Variants in CLASRP observed in about 807,000 individuals in gnomAD.
CLASRP encodes CLK4-associating serine/arginine rich protein.
CLASRP carries 52 observed loss-of-function variants against 99.9 expected under a neutral mutation model. The ratio of observed to expected loss-of-function variants is 0.52; its 90% CI spans 0.42 to 0.66. CLASRP has a LOEUF of 0.66. Among genes scored for constraint, CLASRP ranks in the 30% least tolerant of loss-of-function variants. The pLI, the probability that CLASRP is intolerant of heterozygous loss-of-function variation, is 0.00. For missense variants in CLASRP, 848 were observed against 999.2 expected (o/e 0.85, Z 2.04); for synonymous variants, 379 against 373.0 (o/e 1.02, Z -0.18).
chr19:45,069,241 C>T lies in CLASRP; in HGVS notation c.1867C>T (p.Arg623Cys). 6.2e-7 allele frequency: 1 copy of T among 1,613,476 alleles called. No individual in the cohort carries two copies. ...DELRAMARKI[R>C]MKERERREKE... The stretch of plus-strand genomic sequence containing the variant: ...GCTTCGAGCCATGGCCCGCAAGATC[C>T]GCATGAAGTAAGACCTTGCCCCTCC... The change falls in exon 18 of 21, where the codon CGC (arginine) becomes TGC (cysteine). Residue 623 changes from arginine (R) to cysteine (C), a missense_variant. Physicochemically the swap from Arg to Cys is radical, Grantham distance 180 (BLOSUM62 -3). Around this residue, in one of 8 missense-constraint regions of CLASRP, gnomAD observed 116 missense variants for 162.7 expected, o/e 0.71. Coordinates refer to ENST00000221455, the MANE Select transcript of CLASRP (RefSeq NM_007056.3).
intron 11 of CLASRP, among the ~76,000 whole-genome samples, chr19:45,063,262 C>T (rs1458362656): frequency 6.6e-6 from 1 of 151,530 alleles, no homozygotes. Flanking sequence ...CCACCTGGGC[C>T]TTCCAAAGTG....
chr19:45,070,855 T>A lies in CLASRP; in HGVS notation c.*10T>A, dbSNP rs201269048. ...CCATTACCGACATTAGGCAGAAGAG[T>A]GGGGGGTGGGGAGGACAAGGGGGTG... is the stretch of plus-strand genomic sequence containing the variant. On this transcript the variant is annotated 3_prime_UTR_variant, in exon 21 of 21. Transcript: ENST00000221455. 41 of 1,068,450 alleles carry A rather than the reference T, an allele frequency of 3.8e-5. No individual in the cohort carries two copies. The South Asian group carries it at 4.8e-4, about 12-fold the overall frequency. The allele number at this position is 1,068,450 out of a possible 1,614,324, so 66.2% of individuals were successfully genotyped here. A position where few individuals can be genotyped will look rare whatever the true frequency, so the allele number is the denominator to read the frequency against.
chr19:45,048,993 G>C (rs1221442619), intron 2 of CLASRP, among the ~76,000 whole-genome samples: 1 of 152,144 alleles, frequency 6.6e-6, no homozygotes, highest in Non-Finnish European at 1.5e-5. Context: ...TTCAAAAAAA[G>C]AAAAAGAATA....
intron 5 of CLASRP, among the ~76,000 whole-genome samples, chr19:45,055,562 C>T (rs553660883): frequency 3.9e-5 from 6 of 152,334 alleles, no homozygotes; most frequent in South Asian, 2.1e-4. Context: ...CAGCCGGGCA[C>T]GGTGGCTCAT....
Position 45,067,491 on chromosome 19 carries a change from C to T in CLASRP, c.1564C>T (p.Arg522Cys), listed in dbSNP as rs779809010. The T allele has an allele frequency of 2.7e-5, 43 of 1,570,188 alleles. No individual in the cohort carries two copies. Among genetic ancestry groups the T allele is most frequent in the Non-Finnish European group, 3.4e-5 (40 of 1,163,518 alleles). Reference protein sequence around the residue: ...RSHSPSPSQSRSRSRSRSQSP... With the variant: ...RSHSPSPSQSCSRSRSRSQSP... ...CCATAGCCCCAGCCCCAGCCAGAGC[C>T]GCAGCCGCAGCCGCAGCCGCAGCCA... Residue 522 changes from arginine to cysteine, a missense_variant, in exon 14 of 21, where the codon CGC becomes TGC. By Grantham distance (180) the Arg-to-Cys change is radical. This residue lies in a region of CLASRP where 489 missense variants were observed against 434.7 expected (regional missense o/e 1.12). Transcript: ENST00000221455. This position sits in a 1 kb window ranked among gnomAD's most constrained non-coding sequence, Gnocchi z 4.9.
Position 45,040,182 on chromosome 19 carries a change from A to C in CLASRP, c.-29-2A>C, listed in dbSNP as rs1221987525. 6.5e-7 allele frequency: 1 copy of C among 1,545,968 alleles called. No homozygotes were observed. Among genetic ancestry groups the C allele is most frequent in the Admixed American group, 1.9e-5 (1 of 52,886 alleles). On this transcript the variant is annotated splice_acceptor_variant, in intron 1 of 20. Coordinates refer to ENST00000221455, the MANE Select transcript of CLASRP (RefSeq NM_007056.3). LOFTEE classifies it low-confidence loss of function (5UTR_SPLICE). ...GACTTTCCTGGTCCCTTCATCCCTC[A>C]GGTTGAGGCCCCAGGCTTGGCCTCA... is the stretch of plus-strand genomic sequence containing the variant.
Position 45,047,076 on chromosome 19 carries a change from T to C in CLASRP, c.100-4995T>C, listed in dbSNP as rs114214486. Among the ~76,000 whole-genome samples, 88 of 152,256 alleles carry C rather than the reference T, an allele frequency of 5.8e-4. 1 individual carries two copies. Among genetic ancestry groups the C allele is most frequent in the African/African-American group, 2.0e-3 (82 of 41,548 alleles). On this transcript the variant is annotated intron_variant, in intron 2 of 20. Transcript: ENST00000221455. ...TCTTGAAGAGGTACTTATACACTTA[T>C]GTTCATTACAGCATTATTAGCAATA... is the stretch of plus-strand genomic sequence containing the variant.
At chr19:45,051,350 G>C (rs1972019492) in intron 2 of CLASRP, among the ~76,000 whole-genome samples, 1 of 151,728 alleles carries the variant, frequency 6.6e-6, no homozygotes, top group Non-Finnish European at 1.5e-5. Flanking sequence ...GTCTTGCTCT[G>C]TTGCCCAGGC....
At chr19:45,048,456 G>A (rs551665287) in intron 2 of CLASRP, among the ~76,000 whole-genome samples, 1 of 151,482 alleles carries the variant, frequency 6.6e-6, no homozygotes, top group South Asian at 2.1e-4. Context: ...AACCTGGGAG[G>A]CGGAGGTTGC....
Position 45,064,072 on chromosome 19 carries a change from C to A in CLASRP, c.966C>A (p.Arg322=). The A allele has an allele frequency of 1.2e-6, 2 of 1,610,438 alleles. No individual in the cohort carries two copies. The highest frequency in any genetic ancestry group is 1.7e-6 in the Non-Finnish European group (2 of 1,178,980). Residue 322 remains arginine, a synonymous_variant, in exon 12 of 21, where the codon CGC becomes CGA. Coordinates refer to ENST00000221455, the MANE Select transcript of CLASRP (RefSeq NM_007056.3). The stretch of plus-strand genomic sequence containing the variant: ...GCTCCCGCTCCCCGACCCCGGGCCG[C>A]GAGGAGAAGATCACGTTCATCACCA... ...RSRSRSPTPG[R]EEKITFITSF... is the part of the protein sequence containing the mutation.
chr19:45,039,581 T>G (rs928278727), intron 1 of CLASRP: 2 of 152,806 alleles, frequency 1.3e-5, no homozygotes, highest in Non-Finnish European at 2.9e-5. Flanking sequence ...AGACCTCAGC[T>G]TCACTCTGGT....
intron 13 of CLASRP, among the ~76,000 whole-genome samples, chr19:45,065,436 A>T (rs1875197786): frequency 6.6e-6 from 1 of 150,650 alleles, no homozygotes; most frequent in Non-Finnish European, 1.5e-5. Context: ...TGGCACGCGC[A>T]TGTAGTCCCA....
At chr19:45,045,360 T>C (rs1971896375) in intron 2 of CLASRP, among the ~76,000 whole-genome samples, 1 of 152,060 alleles carries the variant, frequency 6.6e-6, no homozygotes, top group African/African-American at 2.4e-5. Flanking sequence ...TACCAAAATA[T>C]ACAAAAATTA....
chr19:45,050,459 C>T (rs954311795), intron 2 of CLASRP, among the ~76,000 whole-genome samples: 3 of 151,976 alleles, frequency 2.0e-5, no homozygotes, highest in South Asian at 2.1e-4. Context: ...CCAAGGCAGG[C>T]GGATCACCTG....
chr19:45,059,218 CCT>C (rs1419541340), intron 7 of CLASRP, 48 bp from the exon 8 acceptor site: 1 of 1,505,010 alleles, frequency 6.6e-7, no homozygotes, highest in East Asian at 2.4e-5. Flanking sequence ...CCCCTTCTCC[CCT>C]GTCCTCTCGC....
chr19:45,067,921 T>C lies in CLASRP; in HGVS notation c.1668-94T>C. ...GGGCATCTGAGGCCCATGCCTTGGC[T>C]ACCTGGTCTGAGGGCAGTGCTGAGG... is the stretch of plus-strand genomic sequence containing the variant. On this transcript the variant is annotated intron_variant, in intron 14 of 20. Coordinates refer to ENST00000221455, the MANE Select transcript of CLASRP (RefSeq NM_007056.3). The surrounding 1 kb of genome is among the most constrained non-coding windows in gnomAD (Gnocchi z 4.9). 3 of 954,876 alleles carry C rather than the reference T, an allele frequency of 3.1e-6. No individual in the cohort carries two copies. The highest frequency in any genetic ancestry group is 5.1e-6 in the Non-Finnish European group (3 of 583,828). The allele number at this position is 954,876 out of a possible 1,614,324, so 59.2% of individuals were successfully genotyped here.
Position 45,052,895 on chromosome 19 carries a change from A to G in CLASRP, c.299+3A>G, listed in dbSNP as rs780217879. 2.5e-6 allele frequency: 4 copies of G among 1,600,388 alleles called. No individual in the cohort carries two copies. The highest frequency in any genetic ancestry group is 3.4e-6 in the Non-Finnish European group (4 of 1,174,310). The stretch of plus-strand genomic sequence containing the variant: ...ACCCCCCCTCTGCTCACCACCATGT[A>G]AGCCACCTCCCAGGGGGTTGCCAGG... On this transcript the variant is annotated splice_donor_region_variant and intron_variant, in intron 4 of 20. Transcript: ENST00000221455.
intron 2 of CLASRP, among the ~76,000 whole-genome samples, chr19:45,049,860 G>C (rs1971988548): frequency 6.6e-6 from 1 of 152,156 alleles, no homozygotes; most frequent in Non-Finnish European, 1.5e-5. Context: ...ATGAATATTA[G>C]GTCCAGTGGC....
At chr19:45,055,218 G>T (rs1385441908) in intron 5 of CLASRP, among the ~76,000 whole-genome samples, 1 of 152,220 alleles carries the variant, frequency 6.6e-6, no homozygotes, top group African/African-American at 2.4e-5. Context: ...GACAGACAGT[G>T]TGCCATTCTC....
Sources: gnomAD v4.1 joint callset for allele counts (sites outside exome capture counted in the v4.1 genomes callset) on GRCh38, gnomAD v4.1.1 for gene constraint, gnomAD v4.1.1 regional missense constraint, Gnocchi (gnomAD v3.1) non-coding constraint, MANE v1.5 for transcripts, NCBI Gene and HGNC (gene_info 2026-07-23, HGNC 2026-07-21) for gene names.